Variants in LIN28B observed in about 807,000 individuals in gnomAD.
The protein encoded by LIN28B is lin-28 RNA binding posttranscriptional regulator B, also known as protein lin-28 homolog B.
Under a neutral mutation model 21.9 loss-of-function variants are expected in LIN28B, and 5 were observed. The observed-to-expected ratio is 0.23, with a 90% CI of 0.12 to 0.48. The LOEUF (loss-of-function observed/expected upper bound fraction) is 0.48. Among genes scored for constraint, LIN28B ranks in the 20% least tolerant of loss-of-function variants. LIN28B has a pLI of 0.98. For missense variants in LIN28B, 245 were observed against 310.5 expected (o/e 0.79, Z 1.58); for synonymous variants, 109 against 111.3 (o/e 0.98, Z 0.13).
chr6:104,969,593 T>C (rs192164799), intron 2 of LIN28B, among the ~76,000 whole-genome samples: 2 of 152,330 alleles, frequency 1.3e-5, no homozygotes, highest in Admixed American at 1.3e-4. Flanking sequence ...TTTCATTGCA[T>C]TGCAGCTTAT....
At chr6:104,967,313 C>G (rs965946477) in intron 2 of LIN28B, among the ~76,000 whole-genome samples, 2 of 145,052 alleles carry the variant, frequency 1.4e-5, no homozygotes, top group Non-Finnish European at 3.1e-5. Context: ...GGCATGGTGG[C>G]TCATGCCTGT....
chr6:105,036,660 T>C (rs1270768702), intron 3 of LIN28B, among the ~76,000 whole-genome samples: 1 of 152,062 alleles, frequency 6.6e-6, no homozygotes, highest in Non-Finnish European at 1.5e-5. Context: ...GCCATTGGAA[T>C]GGTCAGAAGC....
chr6:104,996,487 T>G (rs1770607225), intron 2 of LIN28B, among the ~76,000 whole-genome samples: 1 of 152,180 alleles, frequency 6.6e-6, no homozygotes, highest in South Asian at 2.1e-4. Context: ...GCTTCTGTCT[T>G]TCTCAGTATA....
rs1778302030 is a variant in LIN28B at position 104,957,208 on chromosome 6, G to A, written c.-43G>A. 1 of 1,613,906 alleles carries A rather than the reference G, an allele frequency of 6.2e-7. No individual in the cohort carries two copies. Among genetic ancestry groups the A allele is most frequent in the African/African-American group, 1.3e-5 (1 of 74,936 alleles). On this transcript the variant is annotated 5_prime_UTR_variant, in exon 1 of 4. Transcript: ENST00000345080. ...AAGATCACTCCGTTCCAAAGGGAAA[G>A]TTTTCATCTCACGAGTTTGGAGCTG...
At chr6:105,024,978 A>G (rs993077884) in intron 2 of LIN28B, among the ~76,000 whole-genome samples, 4 of 152,122 alleles carry the variant, frequency 2.6e-5, no homozygotes, top group African/African-American at 9.7e-5. Flanking sequence ...GGAGGTGAGA[A>G]CATTCCTGAG....
chr6:104,941,492 G>A (rs1053628089), intron 2 of LIN28B: 2 of 150,032 alleles, frequency 1.3e-5, no homozygotes, highest in African/African-American at 4.9e-5. Context: ...CGGGGGCGCA[G>A]GGCGCGAGGG....
chr6:104,940,638 G>C (rs1381131200), intron 2 of LIN28B: 2 of 150,586 alleles, frequency 1.3e-5, no homozygotes, highest in Non-Finnish European at 3.0e-5. Flanking sequence ...CGTGCCGCCG[G>C]CTGACGCAGG....
chr6:105,082,354 G>A lies in LIN28B; in HGVS notation c.*3571G>A, dbSNP rs2114433801. The A allele has an allele frequency of 6.6e-6, 1 of 152,650 alleles. No individual in the cohort carries two copies. Among genetic ancestry groups the A allele is most frequent in the East Asian group, 1.9e-4 (1 of 5,180 alleles). 9.5% of individuals were successfully genotyped at this position (152,650 alleles called of 1,614,324 possible). ...GTGCGGCCCCAAGTTACTGCTGGTTGTATTTAGTTTGTGAATAGGAGCCCA... is the reference window on the plus strand; with the variant it reads ...GTGCGGCCCCAAGTTACTGCTGGTTATATTTAGTTTGTGAATAGGAGCCCA... On this transcript the variant is annotated 3_prime_UTR_variant, in exon 4 of 4. Coordinates refer to ENST00000345080, the MANE Select transcript of LIN28B (RefSeq NM_001004317.4).
intron 2 of LIN28B, among the ~76,000 whole-genome samples, chr6:105,010,084 C>G (rs1273927658): frequency 6.6e-6 from 1 of 152,084 alleles, no homozygotes; most frequent in Non-Finnish European, 1.5e-5. Flanking sequence ...CATGCACATG[C>G]CATTCTTACT....
chr6:104,986,634 A>G (rs1450606260), intron 2 of LIN28B, among the ~76,000 whole-genome samples: 1 of 151,974 alleles, frequency 6.6e-6, no homozygotes, highest in African/African-American at 2.4e-5. Flanking sequence ...TGAGGTGCTC[A>G]ATTTGTGACA....
At position 105,031,693 on chromosome 6, in the gene LIN28B, G is replaced by A. The variant is rs62419617; in HGVS notation, c.383+5211G>A. On this transcript the variant is annotated intron_variant, in intron 3 of 3. Coordinates refer to ENST00000345080, the MANE Select transcript of LIN28B (RefSeq NM_001004317.4). ...GGACCACAGGCACCCACCACCACACGTCGCTAATTTTTTATATTTTTTTAG... is the reference window on the plus strand; with the variant it reads ...GGACCACAGGCACCCACCACCACACATCGCTAATTTTTTATATTTTTTTAG... 7.7e-3 allele frequency among the ~76,000 whole-genome samples: 1,163 copies of A among 151,730 alleles called. 4 individuals are homozygous for A. The highest frequency in any genetic ancestry group is 0.027 in the Middle Eastern group (8 of 294).
At position 105,081,326 on chromosome 6, in the gene LIN28B, A is replaced by G. The variant is rs761834959; in HGVS notation, c.*2543A>G. ...AGTTATCCTATTTTTATTTCATGTGAAAACTCCTCTAAAGCAGATTCCCTC... is the reference window on the plus strand; with the variant it reads ...AGTTATCCTATTTTTATTTCATGTGGAAACTCCTCTAAAGCAGATTCCCTC... On this transcript the variant is annotated 3_prime_UTR_variant, in exon 4 of 4. Transcript: ENST00000345080. 3.1e-4 allele frequency: 48 copies of G among 152,652 alleles called. No homozygotes were observed. The highest frequency in any genetic ancestry group is 5.4e-4 in the Non-Finnish European group (37 of 68,046). 9.5% of individuals were successfully genotyped at this position (152,652 alleles called of 1,614,324 possible). A position where few individuals can be genotyped will look rare whatever the true frequency, so the allele number is the denominator to read the frequency against.
intron 3 of LIN28B, among the ~76,000 whole-genome samples, chr6:105,031,539 T>C (rs1771422840): frequency 6.6e-6 from 1 of 151,270 alleles, no homozygotes; most frequent in Admixed American, 6.6e-5. Context: ...TTCTTTTTTT[T>C]CTTTTTTTTT....
intron 3 of LIN28B, among the ~76,000 whole-genome samples, chr6:105,049,143 C>G (rs221612): frequency 0.51 from 76,645 of 151,602 alleles, 20,789 homozygotes; most frequent in Non-Finnish European, 0.61. Context: ...TTCTCTTGTG[C>G]TATAAATTTC....
rs1370423452 is a variant in LIN28B at position 105,079,066 on chromosome 6, G to A, written c.*283G>A. On this transcript the variant is annotated 3_prime_UTR_variant, in exon 4 of 4. Coordinates refer to ENST00000345080, the MANE Select transcript of LIN28B (RefSeq NM_001004317.4). ...TGTGTACATGAGGATTTTTATATAG[G>A]AATGTAGACACATATATAAAGAGGC... 6.5e-6 allele frequency: 2 copies of A among 308,776 alleles called. No individual in the cohort carries two copies. The highest frequency in any genetic ancestry group is 1.2e-4 in the East Asian group (2 of 16,102). 19.1% of individuals were successfully genotyped at this position (308,776 alleles called of 1,614,324 possible).
intron 2 of LIN28B, among the ~76,000 whole-genome samples, chr6:104,947,241 C>A (rs1330022483): frequency 6.6e-6 from 1 of 152,154 alleles, no homozygotes; most frequent in East Asian, 1.9e-4. Context: ...TCTCCTGCTT[C>A]AGCCTCCTCA....
At chr6:104,973,110 CAA>C (rs574004784) in intron 2 of LIN28B, among the ~76,000 whole-genome samples, 30 of 105,752 alleles carry the variant, frequency 2.8e-4, no homozygotes, top group Admixed American at 4.0e-4. Flanking sequence ...CACTCTGTCT[CAA>C]AAAAAAAAAA....
At chr6:105,077,442 T>C (rs986168319) in intron 3 of LIN28B, among the ~76,000 whole-genome samples, 11 of 148,754 alleles carry the variant, frequency 7.4e-5, no homozygotes, top group African/African-American at 2.7e-4. Context: ...TTACTTTTAA[T>C]ATAAAATTTT....
At chr6:104,954,687 A>T (rs1182434279), upstream of LIN28B, among the ~76,000 whole-genome samples, 1 of 152,204 alleles carries the variant, frequency 6.6e-6, no homozygotes. Context: ...ATGAGTCGAT[A>T]ACCTCTGACA....
Sources: allele counts gnomAD v4.1 joint callset (sites outside exome capture counted in the v4.1 genomes callset), GRCh38; gene constraint gnomAD v4.1.1; transcripts MANE v1.5; gene names NCBI Gene and HGNC (gene_info 2026-07-23, HGNC 2026-07-21).